Variants in PCNT observed in about 807,000 individuals in gnomAD.
PCNT encodes the protein pericentrin, also known as kendrin.
A neutral mutation model predicts 380.4 loss-of-function variants in PCNT; 319 were observed. That is an observed-to-expected ratio of 0.84 (90% CI 0.77 to 0.92). The LOEUF is 0.92. Ranked by LOEUF, PCNT falls within the 40% of genes least tolerant of loss-of-function variation. The pLI is 0.00. For missense variants in PCNT, 4,400 were observed against 4,255.3 expected, an observed-to-expected ratio of 1.03 and a Z score of -0.95; for synonymous variants, 1,845 against 1,735.2, an observed-to-expected ratio of 1.06 and a Z score of -1.57.
intron 2 of PCNT, among the ~76,000 whole-genome samples, chr21:46,330,179 G>A (rs564697341): frequency 1.8e-4 from 28 of 151,966 alleles, no homozygotes; most frequent in Admixed American, 9.2e-4. Context: ...GTGCAGTGGC[G>A]CAATCATGGC....
In PCNT at chr21:46,355,581, T is replaced by G; in HGVS notation, c.1891T>G (p.Leu631Val). ...SDRCCVETSA[L>V]GHEWRLEPSE... is the part of the protein sequence containing the mutation. The stretch of plus-strand genomic sequence containing the variant: ...CAGATGCTGCGTAGAGACTTCAGCA[T>G]TGGGACACGAGTGGCGTCTGGAACC... Residue 631 changes from leucine to valine, a missense_variant, in exon 12 of 47, where the codon TTG becomes GTG. By Grantham distance (32) the Leu-to-Val change is conservative. Coordinates refer to ENST00000359568, the MANE Select transcript of PCNT (RefSeq NM_006031.6). The G allele has an allele frequency of 6.2e-7, 1 of 1,614,096 alleles. No homozygotes were observed. The highest frequency in any genetic ancestry group is 8.5e-7 in the Non-Finnish European group (1 of 1,180,000).
chr21:46,347,445 T>C lies in PCNT; in HGVS notation c.977-12T>C. 6.2e-7 allele frequency: 1 copy of C among 1,614,016 alleles called. No individual in the cohort carries two copies. The highest frequency in any genetic ancestry group is 1.1e-5 in the South Asian group (1 of 91,062). Reference sequence around the variant, plus strand: ...ATGGAGTGGCCTGAGCTGCTTTTTGTTTTTCTTGCAGCTGAGCTGAAGGAG... The same window carrying C: ...ATGGAGTGGCCTGAGCTGCTTTTTGCTTTTCTTGCAGCTGAGCTGAAGGAG... On this transcript the variant is annotated splice_polypyrimidine_tract_variant and intron_variant, in intron 5 of 46. Transcript: ENST00000359568.
At position 46,443,809 on chromosome 21, in the gene PCNT, G is replaced by A; in HGVS notation, c.9701-1G>A. The A allele has an allele frequency of 8.7e-6, 14 of 1,613,786 alleles. No homozygotes were observed. Among genetic ancestry groups the A allele is most frequent in the Non-Finnish European group, 1.2e-5 (14 of 1,179,980 alleles). On this transcript the variant is annotated splice_acceptor_variant, in intron 44 of 46. Coordinates refer to ENST00000359568, the MANE Select transcript of PCNT (RefSeq NM_006031.6). LOFTEE classifies it high-confidence loss of function. ...TTGGTTGTTAAATAATTCTGGGGAA[G>A]GGCCCCGAGCACGACAGCCGCAGTC...
At chr21:46,444,662 T>TTC in intron 45 of PCNT, 32 bp from the exon 46 acceptor site, 1 of 1,525,332 alleles carries the variant, frequency 6.6e-7, no homozygotes, top group Non-Finnish European at 8.9e-7. Context: ...TTTTTTTTTT[T>TTC]TTCTTCTCTT....
intron 16 of PCNT, 61 bp from the exon 17 acceptor site, chr21:46,385,771 T>C: frequency 6.4e-7 from 1 of 1,562,178 alleles, no homozygotes; most frequent in Non-Finnish European, 8.8e-7. Context: ...GAAAGTCCCT[T>C]ACAGCCATTT....
chr21:46,383,442 GTGT>G (rs1424691661), intron 16 of PCNT, among the ~76,000 whole-genome samples: 4 of 143,966 alleles, frequency 2.8e-5, no homozygotes, highest in African/African-American at 5.1e-5. Context: ...CGCATTCACG[GTGT>G]TGTGCGTTCA....
In PCNT at chr21:46,326,598, G is replaced by T. The variant is rs1003172997; in HGVS notation, c.267+9G>T. 1 of 1,611,590 alleles carries T rather than the reference G, an allele frequency of 6.2e-7. No individual in the cohort carries two copies. The highest frequency in any genetic ancestry group is 1.7e-5 in the Admixed American group (1 of 59,998). ...GGGCCTTTGCAGCTCAGGTAGATTT[G>T]CTCAATGTTGTATTTGAACATTTCG... On this transcript the variant is annotated intron_variant, in intron 2 of 46. Transcript: ENST00000359568.
At chr21:46,346,653 CT>C (rs1421924624) in intron 4 of PCNT, 89 bp from the exon 5 acceptor site, 18 of 1,456,672 alleles carry the variant, frequency 1.2e-5, no homozygotes, top group Non-Finnish European at 1.7e-5. Context: ...CTGTGTCTTC[CT>C]TACTCATTCT....
At chr21:46,440,519 C>T (rs2053579425) in intron 42 of PCNT, among the ~76,000 whole-genome samples, 1 of 152,246 alleles carries the variant, frequency 6.6e-6, no homozygotes, top group African/African-American at 2.4e-5. Flanking sequence ...GCTGCAGTCT[C>T]CTGATGGCAC....
chr21:46,386,074 C>T (rs941045897), intron 17 of PCNT, 91 bp downstream of exon 17: 71 of 1,513,736 alleles, frequency 4.7e-5, no homozygotes, highest in Admixed American at 3.4e-4. Context: ...CTCCTGGCCC[C>T]GTGGCTGCTG....
At chr21:46,430,754 G>A (rs2147971977) in intron 37 of PCNT, 97 bp downstream of exon 37, 2 of 1,542,158 alleles carry the variant, frequency 1.3e-6, no homozygotes, top group South Asian at 1.2e-5. Context: ...TGTTCTTCAT[G>A]GCAGTGCACC....
Position 46,401,537 on chromosome 21 carries a change from T to C in PCNT, c.4792-14T>C. On this transcript the variant is annotated splice_polypyrimidine_tract_variant and intron_variant, in intron 25 of 46. Transcript: ENST00000359568. ...AAATATTTGCCTAAAATAGAGTTCT[T>C]TTTTTTTTAATAGGATAAAGAGGTG... The C allele has an allele frequency of 6.2e-7, 1 of 1,606,488 alleles. No homozygotes were observed. The highest frequency in any genetic ancestry group is 1.1e-5 in the South Asian group (1 of 90,874).
chr21:46,430,164 G>A lies in PCNT; in HGVS notation c.7845G>A (p.Glu2615=). 6.2e-7 allele frequency: 1 copy of A among 1,614,198 alleles called. No individual in the cohort carries two copies. Among genetic ancestry groups the A allele is most frequent in the Non-Finnish European group, 8.5e-7 (1 of 1,180,042 alleles). ...GAGATTTGAAGTCCGACCTCTGTGA[G>A]AGCAGGCAGAAGAGCGAACAGCTGT... ...VVRDLKSDLC[E]SRQKSEQLSR... is the part of the protein sequence containing the mutation. Residue 2615 remains glutamate, a synonymous_variant, in exon 36 of 47, where the codon GAG becomes GAA. Coordinates refer to ENST00000359568, the MANE Select transcript of PCNT (RefSeq NM_006031.6).
chr21:46,345,883 C>T (rs759893245), intron 3 of PCNT, among the ~76,000 whole-genome samples: 1 of 152,220 alleles, frequency 6.6e-6, no homozygotes, highest in African/African-American at 2.4e-5. Context: ...TTCAGGGCTC[C>T]TCTGTGTTGC....
chr21:46,363,573 A>G lies in PCNT; in HGVS notation c.2248A>G (p.Thr750Ala). 6.2e-7 allele frequency: 1 copy of G among 1,614,178 alleles called. No homozygotes were observed. Among genetic ancestry groups the G allele is most frequent in the Non-Finnish European group, 8.5e-7 (1 of 1,180,026 alleles). Residue 750 changes from threonine to alanine, a missense_variant, in exon 14 of 47, where the codon ACG becomes GCG. By Grantham distance (58) the Thr-to-Ala change is moderately conservative. Transcript: ENST00000359568. ...GAAACAGGAATTCCAAAGAAAAGAA[A>G]CGGACTGGAAAGTTATGAAGGAGGA... ...LMKQEFQRKE[T>A]DWKVMKEELQ... is the part of the protein sequence containing the mutation.
chr21:46,427,857 G>A, intron 34 of PCNT, 62 bp downstream of exon 34: 1 of 1,552,010 alleles, frequency 6.4e-7, no homozygotes, highest in Non-Finnish European at 8.9e-7. Flanking sequence ...TGGCAGAGAG[G>A]GTGACACAGA....
At chr21:46,354,209 C>T in intron 11 of PCNT, 141 bp downstream of exon 11, 2 of 776,632 alleles carry the variant, frequency 2.6e-6, no homozygotes, top group Non-Finnish European at 4.5e-6. Context: ...GCTGCCCCGA[C>T]CTCACTGCTG....
intron 15 of PCNT, among the ~76,000 whole-genome samples, chr21:46,375,333 G>C (rs1338960121): frequency 6.6e-6 from 1 of 152,160 alleles, no homozygotes; most frequent in African/African-American, 2.4e-5. Flanking sequence ...CGTTGGTTTA[G>C]ATAGCATTTG....
intron 29 of PCNT, among the ~76,000 whole-genome samples, chr21:46,414,766 C>T (rs1213747350): frequency 6.8e-6 from 1 of 147,394 alleles, no homozygotes; most frequent in Non-Finnish European, 1.5e-5. Flanking sequence ...GCCGCCCACC[C>T]TCCTCCTGGA....
Sources: gnomAD v4.1 joint callset for allele counts (sites outside exome capture counted in the v4.1 genomes callset) on GRCh38, gnomAD v4.1.1 for gene constraint, MANE v1.5 for transcripts, NCBI Gene and HGNC (gene_info 2026-07-23, HGNC 2026-07-21) for gene names.